The following XIRP2 variants were observed in gnomAD, a reference collection of about 807,000 sequenced individuals.
XIRP2 encodes the protein xin actin-binding repeat-containing protein 2.
XIRP2 carries 236 observed loss-of-function variants against 277.0 expected under a neutral mutation model. That is an observed-to-expected ratio of 0.85 (90% confidence interval 0.77 to 0.95). The LOEUF is 0.95. Among genes scored for constraint, XIRP2 ranks in the 40% least tolerant of loss-of-function variants. XIRP2 has a pLI of 0.00. For missense variants in XIRP2, 4,640 were observed against 4,157.5 expected (o/e 1.12, Z -3.19); for synonymous variants, 1,490 against 1,416.5 (o/e 1.05, Z -1.17).
intron 3 of XIRP2, among the ~76,000 whole-genome samples, chr2:167,148,963 A>G (rs1239741137): frequency 6.6e-6 from 1 of 152,086 alleles, no homozygotes; most frequent in Non-Finnish European, 1.5e-5. Flanking sequence ...AAAGCATGCA[A>G]TTGATTCAGG....
intron 2 of XIRP2, among the ~76,000 whole-genome samples, chr2:167,134,439 G>A (rs1181977338): frequency 1.3e-5 from 2 of 151,888 alleles, no homozygotes; most frequent in Non-Finnish European, 2.9e-5. Flanking sequence ...CATAGAAAAT[G>A]TATCTACTCT....
At chr2:167,204,271 C>A (rs949739108) in intron 3 of XIRP2, among the ~76,000 whole-genome samples, 1 of 152,194 alleles carries the variant, frequency 6.6e-6, no homozygotes, top group African/African-American at 2.4e-5. Flanking sequence ...ATACACTGGA[C>A]TAACCATCTG....
chr2:167,222,078 A>G (rs1694451185), intron 5 of XIRP2, among the ~76,000 whole-genome samples: 3 of 152,224 alleles, frequency 2.0e-5, no homozygotes, highest in South Asian at 2.1e-4. Context: ...TAATTAATCT[A>G]TCTCTGAGAT....
chr2:167,101,953 T>C (rs949687658), intron 2 of XIRP2, among the ~76,000 whole-genome samples: 3 of 152,178 alleles, frequency 2.0e-5, no homozygotes, highest in Non-Finnish European at 2.9e-5. Context: ...CTTCAGTTAT[T>C]GTCGAGGAAA....
intron 2 of XIRP2, among the ~76,000 whole-genome samples, chr2:167,034,006 T>G (rs1025964369): frequency 6.6e-6 from 1 of 152,140 alleles, no homozygotes; most frequent in Admixed American, 6.6e-5. Context: ...TTGTGTTATA[T>G]AAACTACTTA....
chr2:167,229,552 GC>G, intron 5 of XIRP2, among the ~76,000 whole-genome samples: 1 of 152,038 alleles, frequency 6.6e-6, no homozygotes, highest in Non-Finnish European at 1.5e-5. Flanking sequence ...GAAAATGGGT[GC>G]TTTTTGTTAG....
chr2:167,167,628 A>C (rs1692562569), intron 3 of XIRP2, among the ~76,000 whole-genome samples: 1 of 152,128 alleles, frequency 6.6e-6, no homozygotes, highest in African/African-American at 2.4e-5. Flanking sequence ...AATACATAAT[A>C]ATCCTAATTC....
intron 2 of XIRP2, among the ~76,000 whole-genome samples, chr2:167,022,380 A>G (rs1405075012): frequency 1.3e-5 from 2 of 152,130 alleles, no homozygotes; most frequent in African/African-American, 2.4e-5. Context: ...GTTGGATATT[A>G]TTTTAAGTAT....
rs1318364718 is a variant in XIRP2 at position 167,248,627 on chromosome 2, T to C, written c.7235T>C (p.Ile2412Thr). The C allele has an allele frequency of 1.2e-6, 2 of 1,613,694 alleles. No homozygotes were observed. The highest frequency in any genetic ancestry group is 1.7e-6 in the Non-Finnish European group (2 of 1,179,830). The change falls in exon 9 of 11, where the codon ATA becomes ACA. Residue 2412 changes from isoleucine to threonine, a missense_variant. Transcript: ENST00000409195. ...SNSQNSQAKI[I>T]TGKTGVLPPP... ...TCTCAGAATTCTCAGGCTAAAATCA[T>C]AACAGGAAAAACCGGTGTGTTGCCA...
In XIRP2 at chr2:167,089,263, A is replaced by G. The variant is rs74397011; in HGVS notation, c.409-46646A>G. The stretch of plus-strand genomic sequence containing the variant: ...CAATAGCAAAGACAACTTTTTCTAA[A>G]ACTCATTATTAGAGATTTTTTCCGT... On this transcript the variant is annotated intron_variant, in intron 2 of 10. Transcript: ENST00000409195. Among the ~76,000 whole-genome samples, 389 of 152,226 alleles carry G rather than the reference A, an allele frequency of 2.6e-3. 16 individuals carry two copies. In the East Asian group the frequency reaches 0.062, roughly 24 times the overall value.
intron 3 of XIRP2, among the ~76,000 whole-genome samples, chr2:167,158,076 A>G (rs762624368): frequency 6.6e-6 from 1 of 152,212 alleles, no homozygotes; most frequent in Non-Finnish European, 1.5e-5. Context: ...CAGAACTTAC[A>G]TTTTGCACTT....
At chr2:167,087,246 A>G (rs1321920777) in intron 2 of XIRP2, among the ~76,000 whole-genome samples, 1 of 152,198 alleles carries the variant, frequency 6.6e-6, no homozygotes, top group African/African-American at 2.4e-5. Context: ...CCTCCCAGTT[A>G]GGCTGCTCGG....
In XIRP2 at chr2:167,249,732, G is replaced by A; in HGVS notation, c.8340G>A (p.Val2780=). 1 of 1,613,234 alleles carries A rather than the reference G, an allele frequency of 6.2e-7. No homozygotes were observed. Residue 2780 remains valine (V), a synonymous_variant, in exon 9 of 11, where the codon GTG becomes GTA. Transcript: ENST00000409195. ...HYQLPKKEKR[V]TVQLPTESIQ... is the part of the protein sequence containing the mutation. ...AGTTACCTAAGAAGGAGAAAAGAGT[G>A]ACAGTACAATTGCCTACAGAATCCA...
At chr2:167,205,956 C>G (rs1007391639) in intron 3 of XIRP2, among the ~76,000 whole-genome samples, 8 of 152,142 alleles carry the variant, frequency 5.3e-5, no homozygotes, top group Admixed American at 4.6e-4. Context: ...TTGTTGCCCT[C>G]TCACATGGTT....
chr2:166,890,579 T>C (rs1290653444), intron 1 of XIRP2, among the ~76,000 whole-genome samples: 1 of 152,186 alleles, frequency 6.6e-6, no homozygotes, highest in South Asian at 2.1e-4. Context: ...AAAAGTTTGT[T>C]TTTATTTTTA....
In XIRP2 at chr2:167,250,166, C is replaced by T. The variant is rs1695434162; in HGVS notation, c.8774C>T (p.Ser2925Phe). 1.2e-6 allele frequency: 2 copies of T among 1,613,462 alleles called. No individual in the cohort carries two copies. Among genetic ancestry groups the T allele is most frequent in the Non-Finnish European group, 1.7e-6 (2 of 1,179,650 alleles). Residue 2925 changes from serine to phenylalanine, a missense_variant, in exon 9 of 11, where the codon TCT becomes TTT. Coordinates refer to ENST00000409195, the MANE Select transcript of XIRP2 (RefSeq NM_152381.6). Reference sequence around the variant, plus strand: ...AAGCAAGAGATTACACAGAACAAATCTTTCTTTTCCTCTGTGAAAGAATCC... The same window carrying T: ...AAGCAAGAGATTACACAGAACAAATTTTTCTTTTCCTCTGTGAAAGAATCC... ...DSKQEITQNK[S>F]FFSSVKESQR... is the part of the protein sequence containing the mutation.
intron 2 of XIRP2, among the ~76,000 whole-genome samples, chr2:166,953,709 T>TACC (rs1278702598): frequency 6.6e-6 from 1 of 151,918 alleles, no homozygotes; most frequent in Non-Finnish European, 1.5e-5. Context: ...GATGAGCTAC[T>TACC]ACCTCTGGTG....
intron 2 of XIRP2, among the ~76,000 whole-genome samples, chr2:166,923,963 A>G (rs1357516096): frequency 6.6e-6 from 1 of 152,084 alleles, no homozygotes; most frequent in Non-Finnish European, 1.5e-5. Flanking sequence ...AAGAAGAGTC[A>G]GGGCCAAGCT....
intron 5 of XIRP2, among the ~76,000 whole-genome samples, chr2:167,229,088 C>G (rs1242896275): frequency 2.0e-5 from 3 of 152,018 alleles, no homozygotes; most frequent in Admixed American, 2.0e-4. Context: ...AGAGTTTCCT[C>G]CATACTTAAT....
Sources: gnomAD v4.1 joint callset for allele counts (sites outside exome capture counted in the v4.1 genomes callset) on GRCh38, gnomAD v4.1.1 for gene constraint, MANE v1.5 for transcripts, NCBI Gene and HGNC (gene_info 2026-07-23, HGNC 2026-07-21) for gene names.